NCKAP5: variants seen among roughly 807,000 people sequenced by gnomAD.
The protein encoded by NCKAP5 is NCK associated protein 5.
NCKAP5 carries 92 observed loss-of-function variants against 167.0 expected under a neutral mutation model. That is an observed-to-expected ratio of 0.55 (90% CI 0.47 to 0.66). The LOEUF (loss-of-function observed/expected upper bound fraction) is 0.66. Ranked by LOEUF, NCKAP5 falls within the 30% of genes least tolerant of loss-of-function variation. NCKAP5 has a pLI of 0.00. For synonymous variants in NCKAP5, 891 were observed against 877.4 expected, an observed-to-expected ratio of 1.02 and a Z score of -0.27; for missense variants, 2,378 against 2,315.0, an observed-to-expected ratio of 1.03 and a Z score of -0.56.
intron 16 of NCKAP5, among the ~76,000 whole-genome samples, chr2:132,762,248 G>T (rs1029803360): frequency 5.3e-5 from 8 of 149,616 alleles, no homozygotes; most frequent in African/African-American, 1.9e-4. Flanking sequence ...ATAAGGAGTA[G>T]ATAGTAATGT....
At chr2:132,685,823 T>A (rs1685866714) in intron 19 of NCKAP5, among the ~76,000 whole-genome samples, 1 of 152,208 alleles carries the variant, frequency 6.6e-6, no homozygotes, top group Admixed American at 6.5e-5. Context: ...AGAATGGGGC[T>A]GATTTCTCAG....
intron 19 of NCKAP5, among the ~76,000 whole-genome samples, chr2:132,701,594 T>G (rs1687892721): frequency 6.6e-6 from 1 of 152,068 alleles, no homozygotes; most frequent in Admixed American, 6.6e-5. Context: ...GAATAGGAGG[T>G]GCTATGATCC....
At chr2:132,800,068 G>A (rs1409830192) in intron 11 of NCKAP5, among the ~76,000 whole-genome samples, 2 of 152,142 alleles carry the variant, frequency 1.3e-5, no homozygotes, top group Non-Finnish European at 2.9e-5. Flanking sequence ...ATACAGGCAT[G>A]TGTGTGTATA....
At chr2:133,094,660 T>G (rs890720612) in intron 6 of NCKAP5, among the ~76,000 whole-genome samples, 8 of 152,210 alleles carry the variant, frequency 5.3e-5, no homozygotes, top group Non-Finnish European at 1.0e-4. Context: ...ACCCTGATTA[T>G]GTTATGAGAC....
chr2:132,781,974 T>C lies in NCKAP5; in HGVS notation c.4837A>G (p.Thr1613Ala), dbSNP rs1304492907. 6 of 1,613,526 alleles carry C rather than the reference T, an allele frequency of 3.7e-6. No individual in the cohort carries two copies. In the African/African-American group the frequency reaches 4.0e-5, roughly 11 times the overall value. Residue 1613 changes from threonine (T) to alanine (A), a missense_variant, in exon 14 of 20, where the codon ACG becomes GCG. Physicochemically the swap from Thr to Ala is moderately conservative, Grantham distance 58 (BLOSUM62 0). Transcript: ENST00000409261. ...RNRHSPVACS[T>A]KDTFMTELLN... The stretch of plus-strand genomic sequence containing the variant: ...AGTTCCGTCATGAAGGTGTCTTTCG[T>C]TGAACATGCAACAGGGCTGTGTCTA...
intron 3 of NCKAP5, among the ~76,000 whole-genome samples, chr2:133,461,385 GTTTC>G (rs1377469884): frequency 6.6e-6 from 1 of 152,018 alleles, no homozygotes; most frequent in Non-Finnish European, 1.5e-5. Flanking sequence ...CCATTTTCAA[GTTTC>G]TTTATTATTT....
chr2:132,891,740 T>G (rs1279954837), intron 8 of NCKAP5, among the ~76,000 whole-genome samples: 1 of 152,188 alleles, frequency 6.6e-6, no homozygotes, highest in South Asian at 2.1e-4. Context: ...GCTCGATAAT[T>G]TCCTTGCCCA....
At chr2:133,111,254 C>A (rs1325482996) in intron 6 of NCKAP5, among the ~76,000 whole-genome samples, 1 of 152,138 alleles carries the variant, frequency 6.6e-6, no homozygotes, top group African/African-American at 2.4e-5. Flanking sequence ...TTACTGTAGA[C>A]AAAGAACCCT....
At chr2:132,998,639 T>G (rs1198106203) in intron 6 of NCKAP5, among the ~76,000 whole-genome samples, 1 of 152,200 alleles carries the variant, frequency 6.6e-6, no homozygotes, top group Non-Finnish European at 1.5e-5. Context: ...CTTCTCTATT[T>G]TCCCAAAAAT....
Position 133,200,061 on chromosome 2 carries a change from C to CTTTTTTTTT in NCKAP5, c.207+13646_207+13654dup, listed in dbSNP as rs70973417. On this transcript the variant is annotated intron_variant, in intron 5 of 19. Transcript: ENST00000409261. ...ATCCCAGTTGGCTTTTTTTTTCTTT[C>CTTTTTTTTT]TTTTTTTTTTTTTTTTTTGCAGAAA... Among the ~76,000 whole-genome samples, 141 of 109,350 alleles carry CTTTTTTTTT rather than the reference C, an allele frequency of 1.3e-3. 3 individuals are homozygous for CTTTTTTTTT. The highest frequency in any genetic ancestry group is 1.4e-3 in the Non-Finnish European group (80 of 56,186). 71.7% of individuals were successfully genotyped at this position (109,350 alleles called of 152,430 possible).
intron 19 of NCKAP5, among the ~76,000 whole-genome samples, chr2:132,700,936 G>C (rs1043651101): frequency 6.7e-6 from 1 of 148,720 alleles, no homozygotes; most frequent in African/African-American, 2.5e-5. Context: ...TGGGCGGGGG[G>C]GGGGGCTTTT....
intron 2 of NCKAP5, among the ~76,000 whole-genome samples, chr2:133,546,086 C>A (rs796810694): frequency 6.2e-4 from 93 of 151,060 alleles, no homozygotes; most frequent in South Asian, 2.1e-3. Flanking sequence ...ACACACACAC[C>A]CCCCACACCC....
intron 6 of NCKAP5, among the ~76,000 whole-genome samples, chr2:133,003,114 C>T (rs1395699730): frequency 1.3e-5 from 2 of 152,188 alleles, no homozygotes; most frequent in Non-Finnish European, 2.9e-5. Flanking sequence ...AGGAAAGGTT[C>T]TAGATTCAAT....
chr2:133,224,647 T>C (rs553449238), intron 4 of NCKAP5, among the ~76,000 whole-genome samples: 1 of 152,330 alleles, frequency 6.6e-6, no homozygotes, highest in African/African-American at 2.4e-5. Flanking sequence ...CTCAAATTTT[T>C]GATAAAGTTG....
intron 4 of NCKAP5, among the ~76,000 whole-genome samples, chr2:133,298,825 A>G (rs900099074): frequency 4.6e-5 from 7 of 152,186 alleles, no homozygotes; most frequent in African/African-American, 1.2e-4. Context: ...AAAGGATACA[A>G]CCATACATGT....
chr2:132,811,172 CAG>C (rs2105265438), intron 11 of NCKAP5, among the ~76,000 whole-genome samples: 1 of 152,208 alleles, frequency 6.6e-6, no homozygotes, highest in African/African-American at 2.4e-5. Context: ...GTGGAGGCGA[CAG>C]GGGAATGCAG....
At chr2:133,490,423 G>A (rs1291886013) in intron 3 of NCKAP5, among the ~76,000 whole-genome samples, 2 of 152,122 alleles carry the variant, frequency 1.3e-5, no homozygotes, top group African/African-American at 2.4e-5. Context: ...TTCTACTGAC[G>A]GAGCAGTTAA....
intron 19 of NCKAP5, among the ~76,000 whole-genome samples, chr2:132,719,384 T>TGTG (rs1430294903): frequency 6.6e-6 from 1 of 151,942 alleles, no homozygotes; most frequent in Non-Finnish European, 1.5e-5. Flanking sequence ...CTCTTGAAGT[T>TGTG]GTTTTCAAAA....
intron 3 of NCKAP5, among the ~76,000 whole-genome samples, chr2:133,397,209 C>T (rs558309358): frequency 2.9e-4 from 44 of 152,286 alleles, no homozygotes; most frequent in African/African-American, 9.9e-4. Flanking sequence ...CTTCCCATAA[C>T]GAAATGCGTT....
Sources: gnomAD v4.1 joint callset for allele counts (sites outside exome capture counted in the v4.1 genomes callset) on GRCh38, gnomAD v4.1.1 for gene constraint, MANE v1.5 for transcripts, NCBI Gene and HGNC (gene_info 2026-07-23, HGNC 2026-07-21) for gene names.